Variants in SOX6 observed in about 807,000 individuals in gnomAD.
The protein encoded by SOX6 is transcription factor SOX-6.
In SOX6, 11 loss-of-function variants were observed where a neutral mutation model predicts 97.8. The observed-to-expected ratio is 0.11, with a 90% CI of 0.07 to 0.19. SOX6 has a LOEUF of 0.19. Ranked by LOEUF, SOX6 falls within the 10% of genes least tolerant of loss-of-function variation. SOX6 has a pLI of 1.00. For synonymous variants in SOX6, 360 were observed against 371.4 expected, an observed-to-expected ratio of 0.97 and a Z score of 0.35; for missense variants, 810 against 1,039.5, an observed-to-expected ratio of 0.78 and a Z score of 3.04.
chr11:16,231,297 A>AC (rs1341582477), intron 4 of SOX6, among the ~76,000 whole-genome samples: 1 of 151,788 alleles, frequency 6.6e-6, no homozygotes, highest in Middle Eastern at 3.2e-3. Flanking sequence ...TGAGAACTGG[A>AC]CAAGTCTTTT....
At chr11:16,737,230 C>T (rs991411939) in intron 1 of SOX6, among the ~76,000 whole-genome samples, 2 of 151,848 alleles carry the variant, frequency 1.3e-5, no homozygotes, top group African/African-American at 2.4e-5. Context: ...ATTTAGAGAC[C>T]GAGTCTCGTT....
At chr11:16,598,682 T>G (rs1244414420) in intron 4 of SOX6, among the ~76,000 whole-genome samples, 3 of 152,096 alleles carry the variant, frequency 2.0e-5, no homozygotes, top group Non-Finnish European at 4.4e-5. Flanking sequence ...TTTTCTTTTT[T>G]CTACATATGG....
chr11:16,430,056 C>T (rs992681685), intron 1 of SOX6, among the ~76,000 whole-genome samples: 2 of 152,200 alleles, frequency 1.3e-5, no homozygotes, highest in African/African-American at 4.8e-5. Context: ...ATAATTAGCA[C>T]ATAAATGTTG....
At chr11:16,663,519 C>G (rs1338518469) in intron 3 of SOX6, among the ~76,000 whole-genome samples, 1 of 152,132 alleles carries the variant, frequency 6.6e-6, no homozygotes, top group African/African-American at 2.4e-5. Context: ...TACGGGGTAT[C>G]ACCATGTTCC....
intron 4 of SOX6, among the ~76,000 whole-genome samples, chr11:16,587,091 T>C (rs1291669035): frequency 6.6e-6 from 1 of 152,234 alleles, no homozygotes; most frequent in Non-Finnish European, 1.5e-5. Flanking sequence ...AATAATATGT[T>C]CAGTTCCTTA....
chr11:16,695,216 C>A (rs1848044841), intron 3 of SOX6, among the ~76,000 whole-genome samples: 1 of 152,186 alleles, frequency 6.6e-6, no homozygotes, highest in African/African-American at 2.4e-5. Flanking sequence ...ATATTATTTC[C>A]ATAGCTCCCA....
intron 4 of SOX6, among the ~76,000 whole-genome samples, chr11:16,550,944 G>T (rs867111699): frequency 3.9e-5 from 6 of 152,118 alleles, no homozygotes; most frequent in African/African-American, 1.4e-4. Context: ...AAGGCCAGGC[G>T]CAGTGGCTCA....
At chr11:16,706,845 A>G (rs1054469168) in intron 3 of SOX6, among the ~76,000 whole-genome samples, 3 of 152,026 alleles carry the variant, frequency 2.0e-5, no homozygotes, top group African/African-American at 7.2e-5. Context: ...GGCCCTAATA[A>G]ATTATTCTAG....
chr11:16,112,183 C>G (rs1849248302), intron 6 of SOX6, among the ~76,000 whole-genome samples: 1 of 152,140 alleles, frequency 6.6e-6, no homozygotes, highest in South Asian at 2.1e-4. Flanking sequence ...GTTTTCTTTT[C>G]TCTTGACTTT....
chr11:16,631,461 G>C (rs11023998), intron 3 of SOX6, among the ~76,000 whole-genome samples: 1 of 152,168 alleles, frequency 6.6e-6, no homozygotes, highest in Non-Finnish European at 1.5e-5. Flanking sequence ...TCCACTGTTA[G>C]CCTGATGGGA....
At chr11:16,042,669 G>A (rs962128235) in intron 12 of SOX6, among the ~76,000 whole-genome samples, 5 of 152,082 alleles carry the variant, frequency 3.3e-5, no homozygotes, top group Admixed American at 6.6e-5. Context: ...TATGCAAATT[G>A]AAGTGATTGA....
At chr11:16,697,752 T>C (rs903715966) in intron 3 of SOX6, among the ~76,000 whole-genome samples, 1 of 152,246 alleles carries the variant, frequency 6.6e-6, no homozygotes, top group Non-Finnish European at 1.5e-5. Context: ...GGCTACAGAA[T>C]GGATGTTGTG....
chr11:16,235,954 G>A (rs528372310), intron 3 of SOX6, among the ~76,000 whole-genome samples: 1 of 152,094 alleles, frequency 6.6e-6, no homozygotes, highest in Non-Finnish European at 1.5e-5. Context: ...ATCCAGATCA[G>A]TGTGTTGTAA....
chr11:16,563,320 G>C (rs748134937), intron 4 of SOX6, among the ~76,000 whole-genome samples: 1 of 152,056 alleles, frequency 6.6e-6, no homozygotes, highest in Non-Finnish European at 1.5e-5. Context: ...TGGTGCATGC[G>C]TTTAGTTCTA....
At chr11:16,262,740 A>T (rs1853941241) in intron 3 of SOX6, among the ~76,000 whole-genome samples, 1 of 152,052 alleles carries the variant, frequency 6.6e-6, no homozygotes, top group Non-Finnish European at 1.5e-5. Context: ...CCTGTGACTC[A>T]ACCAAAGGAA....
At chr11:16,674,017 G>A (rs905219592) in intron 3 of SOX6, among the ~76,000 whole-genome samples, 11 of 151,836 alleles carry the variant, frequency 7.2e-5, no homozygotes, top group African/African-American at 1.9e-4. Flanking sequence ...GTGAAACCCC[G>A]TCTCTACTAA....
At chr11:16,325,520 G>GAA (rs1272702199) in intron 2 of SOX6, among the ~76,000 whole-genome samples, 1 of 152,006 alleles carries the variant, frequency 6.6e-6, no homozygotes, top group East Asian at 1.9e-4. Flanking sequence ...AGGGGAAACA[G>GAA]AAAAAAATAG....
intron 3 of SOX6, among the ~76,000 whole-genome samples, chr11:16,247,743 G>A (rs1853382912): frequency 6.6e-6 from 1 of 152,124 alleles, no homozygotes; most frequent in Non-Finnish European, 1.5e-5. Context: ...AATTCAAGAT[G>A]AGATTTGGGT....
chr11:16,107,835 A>G (rs965970263), intron 7 of SOX6, among the ~76,000 whole-genome samples: 13 of 152,124 alleles, frequency 8.5e-5, no homozygotes, highest in African/African-American at 3.1e-4. Context: ...AACATTAGGT[A>G]TACTTGTAAA....
Sources: gnomAD v4.1 joint callset for allele counts (sites outside exome capture counted in the v4.1 genomes callset) on GRCh38, gnomAD v4.1.1 for gene constraint, MANE v1.5 for transcripts, NCBI Gene and HGNC (gene_info 2026-07-23, HGNC 2026-07-21) for gene names.